FAM78B: variants seen among roughly 807,000 people sequenced by gnomAD.
FAM78B encodes the protein family with sequence similarity 78 member B.
Under a neutral mutation model 20.0 loss-of-function variants are expected in FAM78B, and 10 were observed. The ratio of observed to expected loss-of-function variants is 0.50; its 90% CI spans 0.31 to 0.85. The LOEUF (loss-of-function observed/expected upper bound fraction) is 0.85, where lower values mean the gene tolerates loss of function less well. Among genes scored for constraint, FAM78B ranks in the 40% least tolerant of loss-of-function variants. The pLI, the probability that FAM78B is intolerant of heterozygous loss-of-function variation, is 0.05. For synonymous variants in FAM78B, 135 were observed against 132.8 expected (o/e 1.02, Z -0.12); for missense variants, 283 against 345.0 (o/e 0.82, Z 1.42).
At chr1:166,067,137 A>G (rs958695688), downstream of FAM78B, among the ~76,000 whole-genome samples, 5 of 152,070 alleles carry the variant, frequency 3.3e-5, no homozygotes, top group East Asian at 7.7e-4. Context: ...GGATGATGAT[A>G]ATGTTTTGGT....
chr1:166,114,350 G>GTTCA (rs1244921672), intron 1 of FAM78B, among the ~76,000 whole-genome samples: 2 of 152,142 alleles, frequency 1.3e-5, no homozygotes, highest in East Asian at 3.8e-4. Flanking sequence ...AAGCCGACTG[G>GTTCA]TTCATTCATT....
At chr1:166,068,230 T>C (rs1468947129), downstream of FAM78B, among the ~76,000 whole-genome samples, 1 of 152,136 alleles carries the variant, frequency 6.6e-6, no homozygotes, top group Non-Finnish European at 1.5e-5. Context: ...CTGCCTGTGG[T>C]GTCAGCATGG....
chr1:166,109,838 A>ATATATATATATATGTATG (rs1469856162), intron 1 of FAM78B, among the ~76,000 whole-genome samples: 1 of 21,186 alleles, frequency 4.7e-5, no homozygotes, highest in African/African-American at 1.7e-4. Flanking sequence ...ATATGTATAT[A>ATATATATATATATGTATG]TGTATATATA....
At chr1:166,058,236 A>C (rs1571118091) in exon 3 of FAM78B, 2 of 152,140 alleles carry the variant, frequency 1.3e-5, no homozygotes, top group Non-Finnish European at 2.9e-5. Flanking sequence ...TGTAAATGTC[A>C]CCTGGGAAGG....
At chr1:166,075,239 A>G (rs1652219042) in intron 1 of FAM78B, among the ~76,000 whole-genome samples, 3 of 152,216 alleles carry the variant, frequency 2.0e-5, no homozygotes. Flanking sequence ...GAGCTTCTGC[A>G]ACACTGCAGG....
intron 1 of FAM78B, among the ~76,000 whole-genome samples, chr1:166,129,568 C>G (rs545417202): frequency 3.3e-5 from 5 of 152,262 alleles, no homozygotes; most frequent in South Asian, 2.1e-4. Flanking sequence ...AATGTTTTAC[C>G]TTGGCCCTTC....
At chr1:166,095,098 C>T (rs1653226195) in intron 1 of FAM78B, among the ~76,000 whole-genome samples, 2 of 152,084 alleles carry the variant, frequency 1.3e-5, no homozygotes, top group South Asian at 4.2e-4. Flanking sequence ...CTGTCCATAC[C>T]AGTCCTTGCA....
intron 1 of FAM78B, among the ~76,000 whole-genome samples, chr1:166,077,671 A>AGTT (rs1652334898): frequency 7.1e-6 from 1 of 141,840 alleles, no homozygotes; most frequent in African/African-American, 2.6e-5. Context: ...AAATACATAT[A>AGTT]ATTATATATT....
chr1:166,103,337 A>T (rs1343380101), intron 1 of FAM78B, among the ~76,000 whole-genome samples: 1 of 152,238 alleles, frequency 6.6e-6, no homozygotes, highest in East Asian at 1.9e-4. Flanking sequence ...AGCAGAAGGC[A>T]AGAAATAACT....
chr1:166,124,049 G>C (rs1259932319), intron 1 of FAM78B, among the ~76,000 whole-genome samples: 1 of 152,176 alleles, frequency 6.6e-6, no homozygotes, highest in African/African-American at 2.4e-5. Context: ...CTCATGATCT[G>C]ACCCTGCTTT....
intron 1 of FAM78B, among the ~76,000 whole-genome samples, chr1:166,141,325 G>C (rs1174580457): frequency 1.3e-5 from 2 of 152,198 alleles, no homozygotes; most frequent in African/African-American, 2.4e-5. Context: ...CCACACCAGA[G>C]GTTTGGGGAC....
downstream of FAM78B, among the ~76,000 whole-genome samples, chr1:166,056,152 C>T (rs867414041): frequency 6.6e-6 from 1 of 152,152 alleles, no homozygotes; most frequent in Admixed American, 6.5e-5. Flanking sequence ...TCCCTCACCC[C>T]ATGACATGCA....
At chr1:166,135,805 G>A (rs1283561591) in intron 1 of FAM78B, among the ~76,000 whole-genome samples, 2 of 152,152 alleles carry the variant, frequency 1.3e-5, no homozygotes, top group African/African-American at 2.4e-5. Flanking sequence ...ACTACGGAAG[G>A]GAGGTCTATG....
downstream of FAM78B, among the ~76,000 whole-genome samples, chr1:166,068,855 G>T (rs1651901669): frequency 6.6e-6 from 1 of 151,990 alleles, no homozygotes; most frequent in South Asian, 2.1e-4. Context: ...TTTTTGAGGT[G>T]GGGGAGGAAG....
At chr1:166,107,504 T>A (rs1653832207) in intron 1 of FAM78B, among the ~76,000 whole-genome samples, 1 of 151,932 alleles carries the variant, frequency 6.6e-6, no homozygotes, top group African/African-American at 2.4e-5. Flanking sequence ...AATGGTAATT[T>A]AAAAATTACC....
At chr1:166,163,603 T>A (rs1321011886) in intron 1 of FAM78B, among the ~76,000 whole-genome samples, 1 of 152,240 alleles carries the variant, frequency 6.6e-6, no homozygotes, top group Non-Finnish European at 1.5e-5. Flanking sequence ...TTTTTTACAA[T>A]CCAGATATTG....
chr1:166,110,314 C>T (rs1222456093), intron 1 of FAM78B, among the ~76,000 whole-genome samples: 1 of 151,972 alleles, frequency 6.6e-6, no homozygotes, highest in Non-Finnish European at 1.5e-5. Context: ...TGGCCCTGAT[C>T]CTGCTATTCC....
chr1:166,104,491 G>A (rs982350910), intron 1 of FAM78B, among the ~76,000 whole-genome samples: 5 of 152,184 alleles, frequency 3.3e-5, no homozygotes, highest in African/African-American at 1.2e-4. Context: ...AAGCTGATAA[G>A]CAACTTTAGC....
chr1:166,132,523 T>C (rs1654913189), intron 1 of FAM78B, among the ~76,000 whole-genome samples: 1 of 152,238 alleles, frequency 6.6e-6, no homozygotes, highest in Non-Finnish European at 1.5e-5. Flanking sequence ...AGTAAGTGGC[T>C]TGTGAATGTC....
Sources: allele counts gnomAD v4.1 joint callset (sites outside exome capture counted in the v4.1 genomes callset), GRCh38; gene constraint gnomAD v4.1.1; transcripts MANE v1.5; gene names NCBI Gene and HGNC (gene_info 2026-07-23, HGNC 2026-07-21).